HMGCLL1: variants seen among roughly 807,000 people sequenced by gnomAD.
HMGCLL1 encodes 3-hydroxy-3-methylglutaryl-CoA lyase like 1, also known as 3-hydroxymethyl-3-methylglutaryl-CoA lyase, cytoplasmic.
In HMGCLL1, 36 loss-of-function variants were observed where a neutral mutation model predicts 39.1. That is an observed-to-expected ratio of 0.92 (90% confidence interval 0.71 to 1.22). The LOEUF is 1.22. HMGCLL1 is among the 50% of genes most tolerant of loss of function. HMGCLL1 has a pLI of 0.00. For synonymous variants in HMGCLL1, 149 were observed against 144.0 expected, an observed-to-expected ratio of 1.03 and a Z score of -0.25; for missense variants, 451 against 416.5, an observed-to-expected ratio of 1.08 and a Z score of -0.72.
intron 1 of HMGCLL1, among the ~76,000 whole-genome samples, chr6:55,573,794 G>A (rs1048065175): frequency 9.2e-5 from 14 of 152,054 alleles, no homozygotes; most frequent in African/African-American, 3.4e-4. Context: ...TGGTTGAAAA[G>A]CTTCCAAAAT....
At chr6:55,657,767 T>C in the HMGCLL1 span, among the ~76,000 whole-genome samples, 1 of 151,886 alleles carries the variant, frequency 6.6e-6, no homozygotes, top group African/African-American at 2.4e-5. Context: ...GAAACATGGG[T>C]GGAGCTGGAT....
chr6:55,568,854 AACACAC>A (rs139032251), intron 1 of HMGCLL1, among the ~76,000 whole-genome samples: 2 of 150,538 alleles, frequency 1.3e-5, no homozygotes, highest in Non-Finnish European at 3.0e-5. Context: ...AGTAAAATGA[AACACAC>A]ACACACACAC....
intron 5 of HMGCLL1, among the ~76,000 whole-genome samples, chr6:55,503,763 T>C (rs1336787348): frequency 6.6e-6 from 1 of 151,728 alleles, no homozygotes; most frequent in Non-Finnish European, 1.5e-5. Flanking sequence ...AAAAATTACA[T>C]AGTTATTCTC....
At chr6:55,518,838 A>T (rs1412100859) in intron 3 of HMGCLL1, among the ~76,000 whole-genome samples, 1 of 152,106 alleles carries the variant, frequency 6.6e-6, no homozygotes, top group Non-Finnish European at 1.5e-5. Context: ...TGAAGACCAG[A>T]CACAACCTGT....
intron 3 of HMGCLL1, among the ~76,000 whole-genome samples, chr6:55,529,957 TGAGTAA>T (rs911332791): frequency 6.6e-6 from 1 of 150,946 alleles, no homozygotes; most frequent in Non-Finnish European, 1.5e-5. Flanking sequence ...ATATCATACA[TGAGTAA>T]GAGTCAGGTC....
chr6:55,478,853 A>T (rs1018034986), intron 7 of HMGCLL1, among the ~76,000 whole-genome samples: 21 of 148,594 alleles, frequency 1.4e-4, no homozygotes, highest in Non-Finnish European at 2.7e-4. Flanking sequence ...ATTTCACATC[A>T]TTTTTTTTTT....
intron 7 of HMGCLL1, among the ~76,000 whole-genome samples, chr6:55,477,824 T>C (rs897213698): frequency 9.9e-5 from 15 of 150,850 alleles, no homozygotes; most frequent in Non-Finnish European, 1.9e-4. Flanking sequence ...CTGTTTTGTT[T>C]AGAATTTGTC....
At position 55,541,737 on chromosome 6, in the gene HMGCLL1, C is replaced by G. The variant is rs749751733; in HGVS notation, c.289G>C (p.Val97Leu). The change falls in exon 3 of 9, where the codon GTA becomes CTA. Residue 97 changes from valine to leucine, a missense_variant. Physicochemically the swap from Val to Leu is conservative, Grantham distance 32 (BLOSUM62 1). Transcript: ENST00000274901. ...EVTSFVSSRW[V>L]PQMADHTEVM... ...ATTGTGGGTTTACATACCTGTGGTACCCATCTGGAAGACACAAAGCTAGTC... is the reference window on the plus strand; with the variant it reads ...ATTGTGGGTTTACATACCTGTGGTAGCCATCTGGAAGACACAAAGCTAGTC... The G allele has an allele frequency of 3.8e-6, 6 of 1,565,332 alleles. No homozygotes were observed. In the East Asian group the frequency reaches 1.1e-4, roughly 29 times the overall value.
At chr6:55,505,796 G>A (rs1767125222) in intron 5 of HMGCLL1, among the ~76,000 whole-genome samples, 1 of 151,540 alleles carries the variant, frequency 6.6e-6, no homozygotes, top group South Asian at 2.1e-4. Context: ...CGTAGTTCCT[G>A]ATGAAACTAA....
chr6:55,523,969 T>C (rs1271660031), intron 3 of HMGCLL1, among the ~76,000 whole-genome samples: 1 of 151,966 alleles, frequency 6.6e-6, no homozygotes, highest in African/African-American at 2.4e-5. Context: ...TTTAATTGCA[T>C]AAAATTACAA....
chr6:55,591,837 T>C, the HMGCLL1 span, among the ~76,000 whole-genome samples: 1 of 152,040 alleles, frequency 6.6e-6, no homozygotes, highest in East Asian at 1.9e-4. Context: ...AAGAACATTT[T>C]AGTTGAATAT....
At chr6:55,574,902 A>C (rs1331495871) in intron 1 of HMGCLL1, among the ~76,000 whole-genome samples, 3 of 152,052 alleles carry the variant, frequency 2.0e-5, no homozygotes, top group Admixed American at 6.6e-5. Context: ...CGAATGTAAA[A>C]TAACTATAAA....
chr6:55,441,681 TTTTTG>T (rs1581783729), intron 7 of HMGCLL1, among the ~76,000 whole-genome samples: 1 of 151,372 alleles, frequency 6.6e-6, no homozygotes, highest in African/African-American at 2.4e-5. Flanking sequence ...ATAAGTCATG[TTTTTG>T]TTTTGTTTTA....
At chr6:55,651,125 C>T in the HMGCLL1 span, among the ~76,000 whole-genome samples, 1 of 152,088 alleles carries the variant, frequency 6.6e-6, no homozygotes, top group Non-Finnish European at 1.5e-5. Flanking sequence ...TTCACTGTAG[C>T]CACCACACCT....
chr6:55,535,930 C>G (rs1442456433), intron 3 of HMGCLL1, among the ~76,000 whole-genome samples: 1 of 152,168 alleles, frequency 6.6e-6, no homozygotes, highest in East Asian at 1.9e-4. Flanking sequence ...TGACTCTTTT[C>G]CATACCTACC....
intron 3 of HMGCLL1, among the ~76,000 whole-genome samples, chr6:55,534,872 T>G (rs774323585): frequency 6.6e-6 from 1 of 152,248 alleles, no homozygotes; most frequent in Non-Finnish European, 1.5e-5. Flanking sequence ...TTACATATAT[T>G]TGAATATATA....
At chr6:55,624,782 T>C in the HMGCLL1 span, among the ~76,000 whole-genome samples, 1 of 152,138 alleles carries the variant, frequency 6.6e-6, no homozygotes. Context: ...AGATGAAGGA[T>C]AAGTTACTGC....
At chr6:55,650,037 T>C in the HMGCLL1 span, among the ~76,000 whole-genome samples, 2 of 129,524 alleles carry the variant, frequency 1.5e-5, 1 homozygote, top group African/African-American at 5.4e-5. Flanking sequence ...GCAGCTATTT[T>C]GAATTCTCTG....
At chr6:55,463,033 T>C (rs1293141553) in intron 7 of HMGCLL1, among the ~76,000 whole-genome samples, 8 of 95,412 alleles carry the variant, frequency 8.4e-5, no homozygotes, top group Non-Finnish European at 1.6e-4. Flanking sequence ...TTCTTTCTTT[T>C]TTTTTTTTTT....
Sources: gnomAD v4.1 joint callset for allele counts (sites outside exome capture counted in the v4.1 genomes callset) on GRCh38, gnomAD v4.1.1 for gene constraint, MANE v1.5 for transcripts, NCBI Gene and HGNC (gene_info 2026-07-23, HGNC 2026-07-21) for gene names.